STAMBP: variants seen among roughly 807,000 people sequenced by gnomAD.
STAMBP encodes the protein STAM binding protein.
Under a neutral mutation model 50.7 loss-of-function variants are expected in STAMBP, and 31 were observed. The ratio of observed to expected loss-of-function variants is 0.61; its 90% CI spans 0.46 to 0.83. The LOEUF (loss-of-function observed/expected upper bound fraction) is 0.83, where lower values mean the gene tolerates loss of function less well. Among genes scored for constraint, STAMBP ranks in the 40% least tolerant of loss-of-function variants. The pLI is 0.00. For synonymous variants in STAMBP, 211 were observed against 192.4 expected, an observed-to-expected ratio of 1.10 and a Z score of -0.80; for missense variants, 472 against 518.9, an observed-to-expected ratio of 0.91 and a Z score of 0.88.
In STAMBP at chr2:73,866,987, T is replaced by TA. The variant is rs1289749319; in HGVS notation, c.*4728_*4729insA. 6.6e-6 allele frequency: 1 copy of TA among 152,296 alleles called. No homozygotes were observed. The highest frequency in any genetic ancestry group is 1.5e-5 in the Non-Finnish European group (1 of 68,076). 9.4% of individuals were successfully genotyped at this position (152,296 alleles called of 1,614,324 possible). On this transcript the variant is annotated 3_prime_UTR_variant, in exon 10 of 10. Transcript: ENST00000394070. Reference sequence around the variant, plus strand: ...CTTCCCCATCACTCTATCTCATCACTGTTACTGTCTGTGTAGCCCTGTCAT... The same window carrying TA: ...CTTCCCCATCACTCTATCTCATCACTAGTTACTGTCTGTGTAGCCCTGTCAT...
In STAMBP at chr2:73,844,904, C is replaced by A; in HGVS notation, c.279+16C>A. The A allele has an allele frequency of 2.5e-6, 4 of 1,612,236 alleles. No homozygotes were observed. Among genetic ancestry groups the A allele is most frequent in the Non-Finnish European group, 3.4e-6 (4 of 1,179,456 alleles). ...CACAGTAAAGGTGGGTCTTCACTTT[C>A]ATTGTTGCCCATCTAAAAGCTTCAG... On this transcript the variant is annotated intron_variant, in intron 3 of 9. Transcript: ENST00000394070.
Position 73,830,825 on chromosome 2 carries a change from A to G in STAMBP, c.-12-20A>G, listed in dbSNP as rs1573226962. On this transcript the variant is annotated intron_variant, in intron 1 of 9. Coordinates refer to ENST00000394070, the MANE Select transcript of STAMBP (RefSeq NM_213622.4). The stretch of plus-strand genomic sequence containing the variant: ...TGATGAGGGCAACGGTATTGATGCC[A>G]TCTGTTTTTTCTGTCTCAGAACTTG... The G allele has an allele frequency of 1.2e-6, 2 of 1,601,750 alleles. No individual in the cohort carries two copies.
rs1405096162 is a variant in STAMBP, at chr2:73,866,139, G to T, written c.*3880G>T. The stretch of plus-strand genomic sequence containing the variant: ...CCCTTAATCCAGGGTTCAATTTTTA[G>T]TTCACCTTAGCCTGTTTGAGATTAG... On this transcript the variant is annotated 3_prime_UTR_variant, in exon 10 of 10. Coordinates refer to ENST00000394070, the MANE Select transcript of STAMBP (RefSeq NM_213622.4). 6.6e-6 allele frequency: 1 copy of T among 152,194 alleles called. No individual in the cohort carries two copies. Among genetic ancestry groups the T allele is most frequent in the Non-Finnish European group, 1.5e-5 (1 of 68,060 alleles). The allele number at this position is 152,194 out of a possible 1,614,324, so 9.4% of individuals were successfully genotyped here.
chr2:73,864,028 T>C lies in STAMBP; in HGVS notation c.*1769T>C, dbSNP rs532566688. 2 of 152,358 alleles carry C rather than the reference T, an allele frequency of 1.3e-5. No homozygotes were observed. Among genetic ancestry groups the C allele is most frequent in the East Asian group, 3.9e-4 (2 of 5,186 alleles). 9.4% of individuals were successfully genotyped at this position (152,358 alleles called of 1,614,324 possible). A position where few individuals can be genotyped will look rare whatever the true frequency, so the allele number is the denominator to read the frequency against. On this transcript the variant is annotated 3_prime_UTR_variant, in exon 10 of 10. Transcript: ENST00000394070. ...TCCACTTAAAGTTCTTACCCCTGGCTATATATTCAAATATCTAGGGAGCAA... is the reference window on the plus strand; with the variant it reads ...TCCACTTAAAGTTCTTACCCCTGGCCATATATTCAAATATCTAGGGAGCAA...
At chr2:73,860,832 C>T (rs968317448) in intron 9 of STAMBP, among the ~76,000 whole-genome samples, 1 of 152,090 alleles carries the variant, frequency 6.6e-6, no homozygotes, top group Non-Finnish European at 1.5e-5. Flanking sequence ...GGACTAAGAA[C>T]CTTGACACTT....
At chr2:73,844,771 T>C in intron 2 of STAMBP, 42 bp from the exon 3 acceptor site, 1 of 1,554,176 alleles carries the variant, frequency 6.4e-7, no homozygotes, top group Non-Finnish European at 8.9e-7. Context: ...TTATGGACAT[T>C]TGGACCATTT....
At chr2:73,837,824 G>A (rs2104332172) in intron 2 of STAMBP, among the ~76,000 whole-genome samples, 1 of 152,248 alleles carries the variant, frequency 6.6e-6, no homozygotes, top group South Asian at 2.1e-4. Context: ...TAGGGAATGA[G>A]AAGAGAAGGA....
chr2:73,843,412 A>ATATATATATATATATATC, intron 2 of STAMBP, among the ~76,000 whole-genome samples: 1 of 137,736 alleles, frequency 7.3e-6, no homozygotes, highest in Middle Eastern at 3.4e-3. Context: ...GTATGTATAT[A>ATATATATATATATATATC]TATATATGTA....
Position 73,845,832 on chromosome 2 carries a change from A to G in STAMBP, c.375+570A>G, listed in dbSNP as rs535479882. ...TTTTTAGTAGAGATGGGGTTTCACC[A>G]TGTTGGCCAAGATGGTCTCAAACTC... On this transcript the variant is annotated intron_variant, in intron 4 of 9. Coordinates refer to ENST00000394070, the MANE Select transcript of STAMBP (RefSeq NM_213622.4). Among the ~76,000 whole-genome samples, 4 of 152,280 alleles carry G rather than the reference A, an allele frequency of 2.6e-5. No individual in the cohort carries two copies. In the South Asian group the frequency reaches 6.2e-4, roughly 24 times the overall value.
At chr2:73,842,285 T>A (rs1420447856) in intron 2 of STAMBP, among the ~76,000 whole-genome samples, 1 of 152,234 alleles carries the variant, frequency 6.6e-6, no homozygotes, top group Admixed American at 6.5e-5. Flanking sequence ...TCTCCCCATG[T>A]CTGTGTGGGT....
chr2:73,872,633 C>T (rs557272104), intron 10 of STAMBP, among the ~76,000 whole-genome samples: 2 of 152,282 alleles, frequency 1.3e-5, no homozygotes, highest in South Asian at 2.1e-4. Flanking sequence ...AACTTTATCC[C>T]GAAGTGTTGA....
intron 3 of STAMBP, 53 bp from the exon 4 acceptor site, chr2:73,845,114 A>T: frequency 6.3e-7 from 1 of 1,598,468 alleles, no homozygotes; most frequent in African/African-American, 1.3e-5. Flanking sequence ...CTTCTTTTGG[A>T]TTCTGTAATT....
intron 9 of STAMBP, 88 bp downstream of exon 9, chr2:73,860,239 A>G: frequency 9.0e-7 from 1 of 1,105,586 alleles, no homozygotes; most frequent in Admixed American, 2.0e-5. Flanking sequence ...TTTCTGATCC[A>G]CACAGAAGAC....
chr2:73,868,536 AT>A (rs869240721), downstream of STAMBP, among the ~76,000 whole-genome samples: 6 of 152,230 alleles, frequency 3.9e-5, no homozygotes, highest in East Asian at 1.9e-4. Context: ...ATAAAAAAAA[AT>A]TTTTTTAAGA....
At chr2:73,832,117 A>C in intron 2 of STAMBP, among the ~76,000 whole-genome samples, 1 of 147,822 alleles carries the variant, frequency 6.8e-6, no homozygotes, top group African/African-American at 2.5e-5. Flanking sequence ...ATACACATAT[A>C]TATGGTGCAC....
Position 73,862,222 on chromosome 2 carries a change from T to C in STAMBP, c.1238T>C (p.Val413Ala). Residue 413 changes from valine (V) to alanine (A), a missense_variant, in exon 10 of 10, where the codon GTT (valine) becomes GCT (alanine). Physicochemically the swap from Val to Ala is moderately conservative, Grantham distance 64. Coordinates refer to ENST00000394070, the MANE Select transcript of STAMBP (RefSeq NM_213622.4). ...TTGCAGAGCTGCAGCCACGTGACTG[T>C]TGTGGACAGAGCAGTGACCATCACA... ...PLFCSCSHVT[V>A]VDRAVTITDL... 1 of 1,610,922 alleles carries C rather than the reference T, an allele frequency of 6.2e-7. No individual in the cohort carries two copies.
intron 2 of STAMBP, among the ~76,000 whole-genome samples, chr2:73,834,230 AAAAAAAATATATATATATATATATAT>A (rs1674379700): frequency 2.6e-4 from 5 of 19,438 alleles, no homozygotes; most frequent in African/African-American, 1.0e-3. Context: ...AAAAAAAAAA[AAAAAAAATATATATATATATATATAT>A]ATATATATAT....
chr2:73,860,535 C>A, intron 9 of STAMBP: 1 of 988,838 alleles, frequency 1.0e-6, no homozygotes, highest in Non-Finnish European at 1.2e-6. Context: ...CTTTCTAAGC[C>A]TGTACTTCAA....
In STAMBP at chr2:73,829,405, A is replaced by C. The variant is rs1239324119; in HGVS notation, c.-118A>C. On this transcript the variant is annotated 5_prime_UTR_variant, in exon 1 of 10. The change abolishes an upstream ATG in the 5' untranslated region. Transcript: ENST00000394070. The stretch of plus-strand genomic sequence containing the variant: ...CGCCGCCTTTCCCCCTCATTTGCAG[A>C]TGCTGCATCCCCTTTTTGGAATTGC... 6.6e-6 allele frequency: 1 copy of C among 152,100 alleles called. No homozygotes were observed. Among genetic ancestry groups the C allele is most frequent in the Non-Finnish European group, 1.5e-5 (1 of 68,164 alleles). 9.4% of individuals were successfully genotyped at this position (152,100 alleles called of 1,614,324 possible). A position where few individuals can be genotyped will look rare whatever the true frequency, so the allele number is the denominator to read the frequency against.
Sources: gnomAD v4.1 joint callset for allele counts (sites outside exome capture counted in the v4.1 genomes callset) on GRCh38, gnomAD v4.1.1 for gene constraint, MANE v1.5 for transcripts, NCBI Gene and HGNC (gene_info 2026-07-23, HGNC 2026-07-21) for gene names.